The following NTM variants were observed in gnomAD, a reference collection of about 807,000 sequenced individuals.
NTM encodes IgLON family member 2.
Under a neutral mutation model 42.1 loss-of-function variants are expected in NTM, and 13 were observed. The ratio of observed to expected loss-of-function variants is 0.31; its 90% CI spans 0.20 to 0.49. The LOEUF (loss-of-function observed/expected upper bound fraction) is 0.49, where lower values mean the gene tolerates loss of function less well. Ranked by LOEUF, NTM falls within the 20% of genes least tolerant of loss-of-function variation. The probability of loss-of-function intolerance (pLI) is 0.99; values close to 1 mark genes in which losing one functional copy is unlikely to be tolerated. For missense variants in NTM, 373 were observed against 452.8 expected (o/e 0.82, Z 1.60); for synonymous variants, 187 against 179.2 (o/e 1.04, Z -0.35).
chr11:131,816,756 G>T (rs774633278), intron 1 of NTM, among the ~76,000 whole-genome samples: 6 of 152,108 alleles, frequency 3.9e-5, no homozygotes, highest in Non-Finnish European at 8.8e-5. Context: ...GCCCTATTCA[G>T]AGCTAAATTG....
chr11:131,446,030 C>T (rs922394909), intron 1 of NTM, among the ~76,000 whole-genome samples: 3 of 152,202 alleles, frequency 2.0e-5, no homozygotes, highest in African/African-American at 4.8e-5. Flanking sequence ...CTAGTTTGAC[C>T]TATCTCAGCA....
intron 7 of NTM, among the ~76,000 whole-genome samples, chr11:132,327,840 T>TGTC (rs2095715543): frequency 7.1e-6 from 1 of 141,622 alleles, no homozygotes; most frequent in Admixed American, 6.9e-5. Context: ...CCTTCCTTCC[T>TGTC]TCCTTCCATC....
At chr11:131,540,105 C>A (rs968503545) in intron 1 of NTM, among the ~76,000 whole-genome samples, 7 of 150,394 alleles carry the variant, frequency 4.7e-5, no homozygotes, top group Non-Finnish European at 1.0e-4. Flanking sequence ...TGCATAGCAA[C>A]TCAACATTTC....
chr11:132,128,884 G>A (rs1044867621), intron 2 of NTM, among the ~76,000 whole-genome samples: 1 of 141,780 alleles, frequency 7.1e-6, no homozygotes, highest in Non-Finnish European at 1.5e-5. Flanking sequence ...TTTGCAGTGA[G>A]CTGAGATTGC....
chr11:131,629,183 G>A (rs1019266358), intron 1 of NTM, among the ~76,000 whole-genome samples: 8 of 152,182 alleles, frequency 5.3e-5, no homozygotes, highest in Admixed American at 5.2e-4. Flanking sequence ...GTCTTCCCAG[G>A]GACTTAATAA....
At chr11:131,941,031 A>G (rs2059737540) in intron 2 of NTM, among the ~76,000 whole-genome samples, 1 of 152,344 alleles carries the variant, frequency 6.6e-6, no homozygotes, top group Admixed American at 6.5e-5. Flanking sequence ...GGCAGTGCGC[A>G]TAGGGCACGT....
At chr11:131,403,859 T>A (rs1268484122) in intron 1 of NTM, among the ~76,000 whole-genome samples, 1 of 152,164 alleles carries the variant, frequency 6.6e-6, no homozygotes, top group African/African-American at 2.4e-5. Context: ...ACTCCTGTTA[T>A]AATGGAAAAA....
At chr11:132,126,914 C>T (rs981093857) in intron 2 of NTM, among the ~76,000 whole-genome samples, 1 of 152,170 alleles carries the variant, frequency 6.6e-6, no homozygotes, top group African/African-American at 2.4e-5. Flanking sequence ...GCATCTGCTC[C>T]TTTCAAATGT....
intron 1 of NTM, among the ~76,000 whole-genome samples, chr11:131,414,352 T>A (rs958766482): frequency 1.3e-5 from 2 of 152,180 alleles, no homozygotes; most frequent in Non-Finnish European, 2.9e-5. Context: ...TGCCTTTGCC[T>A]CTGGCCTGCC....
chr11:131,817,875 T>C (rs2136376049), intron 1 of NTM, among the ~76,000 whole-genome samples: 1 of 152,380 alleles, frequency 6.6e-6, no homozygotes, highest in East Asian at 1.9e-4. Flanking sequence ...TCATGGGAGC[T>C]GAGAGGCCCT....
At chr11:131,775,836 G>A (rs1410030980) in intron 1 of NTM, among the ~76,000 whole-genome samples, 3 of 152,288 alleles carry the variant, frequency 2.0e-5, no homozygotes, top group East Asian at 1.9e-4. Context: ...AAACACAATG[G>A]TAATGTGAGA....
At chr11:131,845,769 A>G (rs1251479963) in intron 1 of NTM, among the ~76,000 whole-genome samples, 8 of 152,094 alleles carry the variant, frequency 5.3e-5, no homozygotes, top group Non-Finnish European at 8.8e-5. Context: ...AAAAAAATAA[A>G]AGAAAAAAGA....
chr11:131,647,914 G>A (rs115217536), intron 1 of NTM, among the ~76,000 whole-genome samples: 2,719 of 152,230 alleles, frequency 0.018, 70 homozygotes, highest in African/African-American at 0.062. Context: ...AGGTAAACTC[G>A]TGTCATGGGG....
At position 132,044,813 on chromosome 11, in the gene NTM, TC is replaced by T. The variant is rs2077753581; in HGVS notation, c.168-101466del. ...GATAAATTCCTGGACACAGGCACCC[TC>T]CCGAGACTGAACCAGGAAGAAATTG... On this transcript the variant is annotated intron_variant, in intron 2 of 8. Coordinates refer to ENST00000683400, the MANE Select transcript of NTM (RefSeq NM_001352005.2). Among the ~76,000 whole-genome samples, 3 of 152,056 alleles carry T rather than the reference TC, an allele frequency of 2.0e-5. No homozygotes were observed. The East Asian group carries it at 5.8e-4, about 29-fold the overall frequency.
At chr11:131,429,349 GC>G (rs1258424633) in intron 1 of NTM, among the ~76,000 whole-genome samples, 3 of 152,000 alleles carry the variant, frequency 2.0e-5, no homozygotes, top group Admixed American at 6.6e-5. Flanking sequence ...AGGACCCCCC[GC>G]CCAGCCTCAG....
chr11:131,625,967 C>T (rs866847683), intron 1 of NTM, among the ~76,000 whole-genome samples: 4 of 152,136 alleles, frequency 2.6e-5, no homozygotes, highest in Non-Finnish European at 4.4e-5. Context: ...ACTGTACTTT[C>T]GAAGGGCATC....
At chr11:131,485,361 G>A (rs980025131) in intron 1 of NTM, among the ~76,000 whole-genome samples, 7 of 152,212 alleles carry the variant, frequency 4.6e-5, no homozygotes, top group African/African-American at 1.7e-4. Context: ...TGCGAGAGAG[G>A]CCCTTCTGTG....
chr11:131,839,891 G>A (rs1394556577), intron 1 of NTM, among the ~76,000 whole-genome samples: 1 of 152,230 alleles, frequency 6.6e-6, no homozygotes, highest in Non-Finnish European at 1.5e-5. Context: ...TTCCAAGGTA[G>A]AGAGACACAT....
At chr11:131,465,010 C>A (rs56264673) in intron 1 of NTM, among the ~76,000 whole-genome samples, 1 of 152,194 alleles carries the variant, frequency 6.6e-6, no homozygotes, top group Non-Finnish European at 1.5e-5. Flanking sequence ...ACGTTTTACA[C>A]GTATACACAT....
Sources: gnomAD v4.1 joint callset for allele counts (sites outside exome capture counted in the v4.1 genomes callset) on GRCh38, gnomAD v4.1.1 for gene constraint, MANE v1.5 for transcripts, NCBI Gene and HGNC (gene_info 2026-07-23, HGNC 2026-07-21) for gene names.